The following NRCAM variants were observed in gnomAD, a reference collection of about 807,000 sequenced individuals.
NRCAM encodes NgCAM-related cell adhesion molecule.
A neutral mutation model predicts 156.5 loss-of-function variants in NRCAM; 83 were observed. The observed-to-expected ratio is 0.53, with a 90% CI of 0.44 to 0.64. NRCAM has a LOEUF of 0.64. NRCAM is among the 30% of genes least tolerant of loss of function. The pLI, the probability that NRCAM is intolerant of heterozygous loss-of-function variation, is 0.00. For missense variants in NRCAM, 1,417 were observed against 1,597.3 expected, an observed-to-expected ratio of 0.89 and a Z score of 1.92; for synonymous variants, 538 against 563.9, an observed-to-expected ratio of 0.95 and a Z score of 0.65.
intron 11 of NRCAM, among the ~76,000 whole-genome samples, chr7:108,222,077 A>C (rs1170641269): frequency 6.6e-6 from 1 of 152,216 alleles, no homozygotes; most frequent in Non-Finnish European, 1.5e-5. Flanking sequence ...TGTAAGTATA[A>C]AAATAAGTAG....
chr7:108,165,127 G>A (rs2053069963), intron 30 of NRCAM, among the ~76,000 whole-genome samples: 1 of 152,202 alleles, frequency 6.6e-6, no homozygotes, highest in Non-Finnish European at 1.5e-5. Flanking sequence ...GTAACCACAT[G>A]CAGCCTGCAG....
At chr7:108,403,239 C>G (rs1352438199) in intron 1 of NRCAM, among the ~76,000 whole-genome samples, 2 of 152,186 alleles carry the variant, frequency 1.3e-5, no homozygotes, top group African/African-American at 4.8e-5. Flanking sequence ...TTCACAACAT[C>G]AATATTTCAC....
At chr7:108,446,517 G>C (rs539912440) in intron 1 of NRCAM, among the ~76,000 whole-genome samples, 53 of 152,242 alleles carry the variant, frequency 3.5e-4, no homozygotes, top group African/African-American at 1.2e-3. Flanking sequence ...ATAATGTGAA[G>C]AGCAGCTCAG....
At chr7:108,177,831 A>T (rs551785258) in intron 26 of NRCAM, among the ~76,000 whole-genome samples, 159 bp downstream of exon 26, 30 of 152,064 alleles carry the variant, frequency 2.0e-4, no homozygotes, top group South Asian at 8.3e-4. Flanking sequence ...ATAAATGATA[A>T]ATATTTGAGA....
chr7:108,422,909 G>A (rs1812057671), intron 1 of NRCAM, among the ~76,000 whole-genome samples: 1 of 152,146 alleles, frequency 6.6e-6, no homozygotes, highest in Non-Finnish European at 1.5e-5. Flanking sequence ...GCAGTAGGGT[G>A]GTCCTCTCAT....
intron 30 of NRCAM, among the ~76,000 whole-genome samples, chr7:108,165,770 T>C (rs2053680767): frequency 6.6e-6 from 1 of 152,252 alleles, no homozygotes; most frequent in Non-Finnish European, 1.5e-5. Context: ...TTTTTCTAAA[T>C]TGTAAAAACT....
chr7:108,317,060 C>A (rs2098935398), intron 2 of NRCAM, among the ~76,000 whole-genome samples: 1 of 152,164 alleles, frequency 6.6e-6, no homozygotes, highest in Non-Finnish European at 1.5e-5. Flanking sequence ...TATGTCAATG[C>A]CAGTGTAACC....
At chr7:108,178,337 T>C (rs756606780) in intron 25 of NRCAM, 8 of 503,476 alleles carry the variant, frequency 1.6e-5, no homozygotes, top group Non-Finnish European at 3.6e-6. Flanking sequence ...AACCATCCTC[T>C]CAAAACACAT....
chr7:108,208,446 A>C (rs1268115520), intron 12 of NRCAM, among the ~76,000 whole-genome samples: 1 of 152,194 alleles, frequency 6.6e-6, no homozygotes, highest in Non-Finnish European at 1.5e-5. Flanking sequence ...GCTTCCTCTA[A>C]TGTTAACATC....
At chr7:108,168,904 T>A (rs749066922) in intron 28 of NRCAM, among the ~76,000 whole-genome samples, 32 of 152,192 alleles carry the variant, frequency 2.1e-4, no homozygotes, top group Admixed American at 7.2e-4. Context: ...GCGTTTTTGA[T>A]CTGTTTTAAA....
intron 3 of NRCAM, among the ~76,000 whole-genome samples, chr7:108,305,666 A>G (rs985787712): frequency 5.3e-5 from 8 of 152,190 alleles, no homozygotes; most frequent in African/African-American, 1.9e-4. Flanking sequence ...TACAGTATCA[A>G]AAGCTTTGCA....
chr7:108,201,176 T>TAAAAA (rs71522858), intron 13 of NRCAM, among the ~76,000 whole-genome samples: 1 of 130,642 alleles, frequency 7.7e-6, no homozygotes, highest in Non-Finnish European at 1.6e-5. Context: ...TTAAGGTCGG[T>TAAAAA]AAAAAAAAAA....
intron 2 of NRCAM, among the ~76,000 whole-genome samples, chr7:108,386,815 C>T (rs886110523): frequency 3.9e-5 from 6 of 152,036 alleles, no homozygotes; most frequent in African/African-American, 1.2e-4. Flanking sequence ...ACAAAACATA[C>T]GTGTTTGAAT....
At chr7:108,385,513 C>T (rs957514157) in intron 2 of NRCAM, among the ~76,000 whole-genome samples, 12 of 152,330 alleles carry the variant, frequency 7.9e-5, no homozygotes, top group East Asian at 1.9e-4. Context: ...GCAAGGCTGA[C>T]GCTGAGCAAA....
intron 11 of NRCAM, among the ~76,000 whole-genome samples, chr7:108,216,654 C>T (rs996608472): frequency 1.3e-5 from 2 of 152,154 alleles, no homozygotes; most frequent in Non-Finnish European, 2.9e-5. Context: ...CACTTTATTT[C>T]ATTAAGTTGA....
intron 2 of NRCAM, among the ~76,000 whole-genome samples, chr7:108,320,382 T>C (rs1000839544): frequency 7.2e-5 from 11 of 152,244 alleles, no homozygotes; most frequent in African/African-American, 2.6e-4. Flanking sequence ...TGCTTGAGTC[T>C]GGCAGGTCGA....
intron 1 of NRCAM, among the ~76,000 whole-genome samples, chr7:108,410,060 T>G (rs985373588): frequency 1.3e-5 from 2 of 152,222 alleles, no homozygotes; most frequent in Non-Finnish European, 2.9e-5. Context: ...TTAAAAACTA[T>G]AGGCATACCC....
intron 13 of NRCAM, among the ~76,000 whole-genome samples, chr7:108,202,557 A>G (rs1220373763): frequency 6.6e-6 from 1 of 152,202 alleles, no homozygotes; most frequent in Non-Finnish European, 1.5e-5. Context: ...CATAATGTAG[A>G]ACACATTTCT....
intron 2 of NRCAM, among the ~76,000 whole-genome samples, chr7:108,366,607 G>A (rs1340777419): frequency 1.3e-5 from 2 of 152,068 alleles, no homozygotes; most frequent in African/African-American, 2.4e-5. Context: ...CAACTTTTAC[G>A]ACAAAGAGTT....
Sources: gnomAD v4.1 joint callset for allele counts (sites outside exome capture counted in the v4.1 genomes callset) on GRCh38, gnomAD v4.1.1 for gene constraint, MANE v1.5 for transcripts, NCBI Gene and HGNC (gene_info 2026-07-23, HGNC 2026-07-21) for gene names.